The following COL28A1 variants were observed in gnomAD, a reference collection of about 807,000 sequenced individuals.
COL28A1 encodes the protein collagen alpha-1(XXVIII) chain.
A neutral mutation model predicts 150.2 loss-of-function variants in COL28A1; 161 were observed. The observed-to-expected ratio is 1.07, with a 90% CI of 0.94 to 1.22. The LOEUF is 1.22. COL28A1 is among the 50% of genes most tolerant of loss of function. The pLI, the probability that COL28A1 is intolerant of heterozygous loss-of-function variation, is 0.00. For missense variants in COL28A1, 1,617 were observed against 1,388.3 expected, an observed-to-expected ratio of 1.16 and a Z score of -2.62; for synonymous variants, 552 against 469.7, an observed-to-expected ratio of 1.18 and a Z score of -2.26.
At chr7:7,398,769 G>C (rs1241164508) in intron 27 of COL28A1, among the ~76,000 whole-genome samples, 3 of 152,196 alleles carry the variant, frequency 2.0e-5, no homozygotes, top group Non-Finnish European at 4.4e-5. Context: ...CTTTATGACA[G>C]TTGACTCTGC....
At chr7:7,419,366 A>G (rs1319132880) in intron 26 of COL28A1, among the ~76,000 whole-genome samples, 2 of 152,150 alleles carry the variant, frequency 1.3e-5, no homozygotes, top group African/African-American at 4.8e-5. Flanking sequence ...CCTCTTTGAG[A>G]AACACTGGAT....
chr7:7,461,252 C>T (rs1361047537), intron 15 of COL28A1, among the ~76,000 whole-genome samples: 2 of 152,170 alleles, frequency 1.3e-5, no homozygotes, highest in Non-Finnish European at 2.9e-5. Context: ...AGTGGGTTCC[C>T]TAGCAAGCCA....
intron 25 of COL28A1, among the ~76,000 whole-genome samples, chr7:7,431,988 G>A (rs1157680280): frequency 6.6e-6 from 1 of 152,120 alleles, no homozygotes; most frequent in Non-Finnish European, 1.5e-5. Flanking sequence ...CAGGGTTATG[G>A]GGCAAAAATC....
chr7:7,343,874 G>A, the COL28A1 span, among the ~76,000 whole-genome samples: 2 of 151,970 alleles, frequency 1.3e-5, no homozygotes, highest in African/African-American at 4.8e-5. Flanking sequence ...TGGACATGGT[G>A]GTACATGCCT....
At chr7:7,350,970 G>A in the COL28A1 span, among the ~76,000 whole-genome samples, 1 of 152,090 alleles carries the variant, frequency 6.6e-6, no homozygotes, top group East Asian at 1.9e-4. Context: ...GAAAAATAGA[G>A]AAAGTCTTTG....
intron 27 of COL28A1, among the ~76,000 whole-genome samples, chr7:7,388,577 C>T (rs999422846): frequency 4.6e-5 from 7 of 151,878 alleles, no homozygotes; most frequent in African/African-American, 9.7e-5. Context: ...CTTGAGGAAT[C>T]GCCACACTGT....
At chr7:7,403,066 T>G (rs187122949) in intron 27 of COL28A1, among the ~76,000 whole-genome samples, 2 of 152,258 alleles carry the variant, frequency 1.3e-5, no homozygotes, top group Admixed American at 6.5e-5. Flanking sequence ...TGCTATGATG[T>G]GGACTAGTCA....
intron 9 of COL28A1, among the ~76,000 whole-genome samples, chr7:7,509,518 T>C (rs909383328): frequency 1.3e-5 from 2 of 152,250 alleles, no homozygotes; most frequent in African/African-American, 4.8e-5. Flanking sequence ...TGTAAACTCT[T>C]CGTGTCAAGG....
In COL28A1 at chr7:7,360,479, G is replaced by A. The variant is rs184264025; in HGVS notation, c.3116C>T (p.Thr1039Met). The change falls in exon 34 of 35, where the codon ACG becomes ATG. Residue 1039 changes from threonine to methionine, a missense_variant. Coordinates refer to ENST00000399429, the MANE Select transcript of COL28A1 (RefSeq NM_001037763.3). ...AGTGGCAGGCAGATCATCAGCCCAC[G>A]TTGGCTCTGGAGCCTTATCATCTTC... Reference protein sequence around the residue: ...QDEDDKAPEPTWADDLPATTS... With the variant: ...QDEDDKAPEPMWADDLPATTS... 1.3e-5 allele frequency: 21 copies of A among 1,609,498 alleles called. No homozygotes were observed. Among genetic ancestry groups the A allele is most frequent in the Admixed American group, 8.5e-5 (5 of 58,912 alleles).
chr7:7,420,005 T>C (rs750782827), intron 25 of COL28A1, 52 bp from the exon 26 acceptor site: 30 of 1,215,594 alleles, frequency 2.5e-5, no homozygotes, highest in Non-Finnish European at 3.0e-5. Context: ...GACTTTATGT[T>C]TTTTTCAATA....
At chr7:7,504,047 G>A (rs766800697) in intron 11 of COL28A1, among the ~76,000 whole-genome samples, 2 of 152,180 alleles carry the variant, frequency 1.3e-5, no homozygotes, top group Non-Finnish European at 2.9e-5. Context: ...TGATTATGCT[G>A]TAAAAGTCAA....
At chr7:7,520,429 C>T (rs1781655379) in intron 5 of COL28A1, among the ~76,000 whole-genome samples, 1 of 152,202 alleles carries the variant, frequency 6.6e-6, no homozygotes, top group East Asian at 1.9e-4. Context: ...AAAAGAGTAG[C>T]TGCAACAGGC....
chr7:7,520,212 G>A (rs1166403547), intron 5 of COL28A1, 97 bp from the exon 6 acceptor site: 1 of 626,858 alleles, frequency 1.6e-6, no homozygotes, highest in East Asian at 3.0e-5. Context: ...CTAGAATGAG[G>A]GAGAATTGTA....
At chr7:7,375,145 T>C (rs1280195860) in intron 31 of COL28A1, among the ~76,000 whole-genome samples, 1 of 152,166 alleles carries the variant, frequency 6.6e-6, no homozygotes, top group Non-Finnish European at 1.5e-5. Flanking sequence ...TTTGTTGAGT[T>C]TTTCGTCTCA....
intron 27 of COL28A1, among the ~76,000 whole-genome samples, chr7:7,413,003 G>A (rs1309971979): frequency 1.3e-5 from 2 of 152,022 alleles, no homozygotes; most frequent in African/African-American, 2.4e-5. Flanking sequence ...ACAGAGGTCA[G>A]AATACAGATG....
intron 21 of COL28A1, among the ~76,000 whole-genome samples, chr7:7,439,695 T>C (rs1170900965): frequency 1.3e-5 from 2 of 152,214 alleles, no homozygotes; most frequent in African/African-American, 2.4e-5. Context: ...TTAATACTAA[T>C]ACAACACATC....
chr7:7,450,929 T>G (rs1027593048), intron 18 of COL28A1, among the ~76,000 whole-genome samples: 1 of 152,176 alleles, frequency 6.6e-6, no homozygotes, highest in Admixed American at 6.5e-5. Context: ...TGATATATCA[T>G]GTAAAGTTTA....
intron 1 of COL28A1, among the ~76,000 whole-genome samples, chr7:7,534,316 A>T (rs1465820234): frequency 6.6e-6 from 1 of 152,210 alleles, no homozygotes; most frequent in Non-Finnish European, 1.5e-5. Context: ...AAACCAAGAA[A>T]TGTGCTAAGG....
intron 27 of COL28A1, among the ~76,000 whole-genome samples, chr7:7,401,140 G>A (rs188717382): frequency 7.6e-4 from 115 of 151,844 alleles, no homozygotes; most frequent in African/African-American, 2.7e-3. Flanking sequence ...ATTTCCTCAC[G>A]TGGCTTCCAG....
Sources: allele counts gnomAD v4.1 joint callset (sites outside exome capture counted in the v4.1 genomes callset), GRCh38; gene constraint gnomAD v4.1.1; transcripts MANE v1.5; gene names NCBI Gene and HGNC (gene_info 2026-07-23, HGNC 2026-07-21).